The following RBFOX1 variants were observed in gnomAD, a reference collection of about 807,000 sequenced individuals.
RBFOX1 encodes the protein RNA binding protein fox-1 homolog 1.
In RBFOX1, 8 loss-of-function variants were observed where a neutral mutation model predicts 57.7. The observed-to-expected ratio is 0.14, with a 90% confidence interval of 0.08 to 0.25. The LOEUF is 0.25. RBFOX1 is among the 10% of genes least tolerant of loss of function. The probability of loss-of-function intolerance (pLI) is 1.00; values close to 1 mark genes in which losing one functional copy is unlikely to be tolerated. For synonymous variants in RBFOX1, 326 were observed against 222.4 expected (o/e 1.47, Z -4.15); for missense variants, 611 against 548.5 (o/e 1.11, Z -1.14).
intron 4 of RBFOX1, among the ~76,000 whole-genome samples, chr16:7,466,799 A>G (rs11646498): frequency 0.38 from 57,103 of 152,166 alleles, 11,371 homozygotes; most frequent in Non-Finnish European, 0.45. Flanking sequence ...TGCTCTGATT[A>G]TATACACAAT....
chr16:7,102,751 C>G (rs1291024969), intron 4 of RBFOX1, among the ~76,000 whole-genome samples: 1 of 152,162 alleles, frequency 6.6e-6, no homozygotes, highest in Non-Finnish European at 1.5e-5. Context: ...TAACATTAAC[C>G]TTTTACTAAG....
chr16:5,573,112 C>A (rs114961609), intron 2 of RBFOX1, among the ~76,000 whole-genome samples: 2 of 152,018 alleles, frequency 1.3e-5, no homozygotes, highest in Non-Finnish European at 2.9e-5. Flanking sequence ...ATGGAGATGA[C>A]GAGAATTGGG....
At chr16:6,739,514 G>A (rs1327618522) in intron 3 of RBFOX1, among the ~76,000 whole-genome samples, 1 of 129,716 alleles carries the variant, frequency 7.7e-6, no homozygotes, top group Non-Finnish European at 1.5e-5. Flanking sequence ...CGGTCTAAAT[G>A]GTTTCACTGG....
chr16:5,736,283 C>G (rs1350699539), intron 3 of RBFOX1, among the ~76,000 whole-genome samples: 1 of 152,132 alleles, frequency 6.6e-6, no homozygotes, highest in Non-Finnish European at 1.5e-5. Flanking sequence ...GGGTATAGGG[C>G]TTTAGAATTC....
intron 5 of RBFOX1, among the ~76,000 whole-genome samples, chr16:7,545,718 G>A (rs552802651): frequency 5.1e-4 from 77 of 152,178 alleles, no homozygotes; most frequent in African/African-American, 1.6e-3. Flanking sequence ...TATTCTTTCC[G>A]AATGTTCTTT....
chr16:7,127,717 A>G (rs1804133862), intron 4 of RBFOX1, among the ~76,000 whole-genome samples: 3 of 152,190 alleles, frequency 2.0e-5, no homozygotes. Context: ...TTTGGGTTGT[A>G]TATGCTTCAA....
At chr16:7,332,704 A>T in intron 4 of RBFOX1, 1 of 1,006,304 alleles carries the variant, frequency 9.9e-7, no homozygotes, top group Non-Finnish European at 1.3e-6. Flanking sequence ...TAAATTAATG[A>T]AGAGTATTTG....
intron 2 of RBFOX1, among the ~76,000 whole-genome samples, chr16:6,436,511 CTTT>C (rs61508952): frequency 7.0e-4 from 72 of 103,384 alleles, no homozygotes; most frequent in African/African-American, 2.1e-3. Flanking sequence ...TTTTTCTTCA[CTTT>C]TTTTTTTTTT....
At chr16:7,161,274 T>C (rs537531049) in intron 4 of RBFOX1, among the ~76,000 whole-genome samples, 20 of 151,488 alleles carry the variant, frequency 1.3e-4, no homozygotes, top group Non-Finnish European at 2.4e-4. Context: ...GCTGTGACCA[T>C]GAGATAGGGG....
At chr16:7,428,323 C>CTTTTTTTTTTTTTTTTTTTTTTTTTTTTT (rs201523653) in intron 4 of RBFOX1, among the ~76,000 whole-genome samples, 1 of 112,338 alleles carries the variant, frequency 8.9e-6, no homozygotes, top group African/African-American at 3.6e-5. Flanking sequence ...GAATTAATAT[C>CTTTTTTTTTTTTTTTTTTTTTTTTTTTTT]TTTTTTTTTT....
intron 2 of RBFOX1, among the ~76,000 whole-genome samples, chr16:5,569,015 ATTTTTT>A (rs34247073): frequency 7.2e-6 from 1 of 139,504 alleles, no homozygotes; most frequent in African/African-American, 2.6e-5. Flanking sequence ...TAATTTTTGT[ATTTTTT>A]TTTTTTTTTT....
intron 4 of RBFOX1, among the ~76,000 whole-genome samples, chr16:7,221,842 C>T (rs1355228934): frequency 6.6e-6 from 1 of 152,178 alleles, no homozygotes; most frequent in Non-Finnish European, 1.5e-5. Context: ...AAGTTGATTT[C>T]CCTCCTTGGA....
Position 7,524,951 on chromosome 16 carries a change from A to C in RBFOX1, c.270+6562A>C, listed in dbSNP as rs567150866. On this transcript the variant is annotated intron_variant, in intron 5 of 15. Coordinates refer to ENST00000550418, the MANE Select transcript of RBFOX1 (RefSeq NM_018723.4). Reference sequence around the variant, plus strand: ...TCAAAGCAATTCAGGCTTGGGGTTTAAAAAGCCAGACATTGGAAAAGGATA... The same window carrying C: ...TCAAAGCAATTCAGGCTTGGGGTTTCAAAAGCCAGACATTGGAAAAGGATA... 3.3e-5 allele frequency among the ~76,000 whole-genome samples: 5 copies of C among 152,330 alleles called. No homozygotes were observed. In the South Asian group the frequency reaches 1.0e-3, roughly 32 times the overall value.
chr16:7,098,779 G>C (rs995707122), intron 4 of RBFOX1, among the ~76,000 whole-genome samples: 2 of 152,070 alleles, frequency 1.3e-5, no homozygotes, highest in African/African-American at 4.8e-5. Flanking sequence ...GTGAGACCCT[G>C]TGTCTATCTT....
At chr16:5,326,669 A>C (rs1023258262) in intron 1 of RBFOX1, among the ~76,000 whole-genome samples, 8 of 152,184 alleles carry the variant, frequency 5.3e-5, no homozygotes, top group Non-Finnish European at 1.2e-4. Context: ...TATTTAGCAG[A>C]GGTTATCCGT....
chr16:5,670,132 A>G (rs554677292), intron 3 of RBFOX1, among the ~76,000 whole-genome samples: 1 of 152,188 alleles, frequency 6.6e-6, no homozygotes, highest in Non-Finnish European at 1.5e-5. Context: ...TAGAGCAGCC[A>G]AATTCATAGC....
chr16:5,406,746 A>G (rs577600415), intron 1 of RBFOX1, among the ~76,000 whole-genome samples: 15 of 152,306 alleles, frequency 9.8e-5, no homozygotes, highest in Non-Finnish European at 1.8e-4. Context: ...AGTACATTAC[A>G]CAATGGGTCC....
At chr16:7,167,627 G>C (rs2079836755) in intron 4 of RBFOX1, among the ~76,000 whole-genome samples, 1 of 152,200 alleles carries the variant, frequency 6.6e-6, no homozygotes. Flanking sequence ...TCAAGCCACA[G>C]TTTTTGATAA....
intron 3 of RBFOX1, among the ~76,000 whole-genome samples, chr16:6,955,934 G>T (rs752430482): frequency 1.3e-5 from 2 of 152,018 alleles, no homozygotes; most frequent in Non-Finnish European, 2.9e-5. Context: ...TCAAACTCCT[G>T]TCCGCAGGTG....
Sources: allele counts gnomAD v4.1 joint callset (sites outside exome capture counted in the v4.1 genomes callset), GRCh38; gene constraint gnomAD v4.1.1; transcripts MANE v1.5; gene names NCBI Gene and HGNC (gene_info 2026-07-23, HGNC 2026-07-21).